MAPK4: variants seen among roughly 807,000 people sequenced by gnomAD.
MAPK4 encodes mitogen-activated protein kinase 4, also known as Erk3-related.
A neutral mutation model predicts 47.7 loss-of-function variants in MAPK4; 22 were observed. That is an observed-to-expected ratio of 0.46 (90% CI 0.33 to 0.66). The LOEUF (loss-of-function observed/expected upper bound fraction) is 0.66, where lower values mean the gene tolerates loss of function less well. Ranked by LOEUF, MAPK4 falls within the 30% of genes least tolerant of loss-of-function variation. The probability of loss-of-function intolerance (pLI) is 0.02; values close to 1 mark genes in which losing one functional copy is unlikely to be tolerated. For missense variants in MAPK4, 736 were observed against 831.7 expected (o/e 0.88, Z 1.42); for synonymous variants, 390 against 365.7 (o/e 1.07, Z -0.76).
In MAPK4 at chr18:50,664,555, A is replaced by G. The variant is rs780526359; in HGVS notation, c.546+51A>G. 11 of 1,527,486 alleles carry G rather than the reference A, an allele frequency of 7.2e-6. No homozygotes were observed. The highest frequency in any genetic ancestry group is 9.7e-6 in the Non-Finnish European group (11 of 1,130,290). The allele number at this position is 1,527,486 out of a possible 1,614,324, so 94.6% of individuals were successfully genotyped here. A position where few individuals can be genotyped will look rare whatever the true frequency, so the allele number is the denominator to read the frequency against. ...CTGGTGGTCCACAGAATCCCCAAGA[A>G]TACTTGCAGCATTCCCAAGCTATTC... is the stretch of plus-strand genomic sequence containing the variant. On this transcript the variant is annotated intron_variant, in intron 2 of 5. Transcript: ENST00000400384. This position sits in a 1 kb window ranked among gnomAD's most constrained non-coding sequence, Gnocchi z 6.0.
At chr18:50,690,495 C>A (rs1464179197) in intron 2 of MAPK4, among the ~76,000 whole-genome samples, 1 of 152,182 alleles carries the variant, frequency 6.6e-6, no homozygotes, top group African/African-American at 2.4e-5. Flanking sequence ...ACGTAAAGAG[C>A]TTTGAACAGA....
At chr18:50,606,835 G>C (rs2042586950) in intron 1 of MAPK4, among the ~76,000 whole-genome samples, 1 of 152,218 alleles carries the variant, frequency 6.6e-6, no homozygotes, top group South Asian at 2.1e-4. Context: ...GTGAGCAGAA[G>C]TGACACTTTT....
chr18:50,608,209 C>T (rs972162318), intron 1 of MAPK4, among the ~76,000 whole-genome samples: 9 of 152,180 alleles, frequency 5.9e-5, no homozygotes, highest in African/African-American at 1.7e-4. Context: ...CCCTGCTCCT[C>T]CTTCACCCCT....
chr18:50,674,401 T>G (rs1908143160), intron 2 of MAPK4, among the ~76,000 whole-genome samples: 1 of 152,190 alleles, frequency 6.6e-6, no homozygotes, highest in South Asian at 2.1e-4. Flanking sequence ...GGTGGGGGTG[T>G]GGGCATCGCA....
chr18:50,699,967 A>G (rs1395969404), intron 2 of MAPK4, among the ~76,000 whole-genome samples: 2 of 152,226 alleles, frequency 1.3e-5, no homozygotes, highest in African/African-American at 4.8e-5. Context: ...ATCATCAACC[A>G]GGGAAGCTCA....
At position 50,705,955 on chromosome 18, in the gene MAPK4, T is replaced by C. The variant is rs1269788783; in HGVS notation, c.547-9124T>C. On this transcript the variant is annotated intron_variant, in intron 2 of 5. Coordinates refer to ENST00000400384, the MANE Select transcript of MAPK4 (RefSeq NM_002747.4). ...CATGATTACAGGGACTTTGTTTTGC[T>C]CACTGCTGGGATCAGATCTCAGCTC... 3 of 152,238 alleles carry C rather than the reference T, an allele frequency of 2.0e-5. No individual in the cohort carries two copies. The East Asian group carries it at 5.8e-4, about 29-fold the overall frequency. 9.4% of individuals were successfully genotyped at this position (152,238 alleles called of 1,614,324 possible). A position where few individuals can be genotyped will look rare whatever the true frequency, so the allele number is the denominator to read the frequency against.
intron 4 of MAPK4, 89 bp from the exon 5 acceptor site, chr18:50,725,873 C>A: frequency 1.9e-6 from 2 of 1,066,876 alleles, no homozygotes; most frequent in Non-Finnish European, 1.5e-6. Flanking sequence ...GCACAGACAC[C>A]AGCACAGAAT....
At chr18:50,636,222 C>T (rs559497874) in intron 1 of MAPK4, among the ~76,000 whole-genome samples, 6 of 152,326 alleles carry the variant, frequency 3.9e-5, no homozygotes, top group Admixed American at 1.3e-4. Context: ...CCCTTCAATA[C>T]GTGCTCTCGC....
chr18:50,561,735 C>T (rs2042155233), intron 1 of MAPK4, among the ~76,000 whole-genome samples: 1 of 152,176 alleles, frequency 6.6e-6, no homozygotes, highest in Non-Finnish European at 1.5e-5. Context: ...GGCTAGTCTT[C>T]TACACTTGAG....
At chr18:50,616,318 C>G (rs1392816417) in intron 1 of MAPK4, among the ~76,000 whole-genome samples, 1 of 152,160 alleles carries the variant, frequency 6.6e-6, no homozygotes. Context: ...TCTGTGGCAC[C>G]TCAGGCTGAA....
chr18:50,700,118 C>A (rs983576573), intron 2 of MAPK4, among the ~76,000 whole-genome samples: 1 of 152,166 alleles, frequency 6.6e-6, no homozygotes, highest in East Asian at 1.9e-4. Context: ...GCTGATACCA[C>A]GTGGCTCAAA....
chr18:50,669,767 T>TA (rs1907817183), intron 2 of MAPK4: 1 of 152,256 alleles, frequency 6.6e-6, no homozygotes, highest in Non-Finnish European at 1.5e-5. Context: ...ACTTTAATTC[T>TA]AATCCCCTGG....
At chr18:50,584,942 A>G (rs1484555807) in intron 1 of MAPK4, among the ~76,000 whole-genome samples, 1 of 152,268 alleles carries the variant, frequency 6.6e-6, no homozygotes, top group Non-Finnish European at 1.5e-5. Context: ...TGATACCCAC[A>G]GCCTTGCATA....
chr18:50,669,895 C>T (rs950243454), intron 2 of MAPK4: 2 of 152,344 alleles, frequency 1.3e-5, no homozygotes, highest in African/African-American at 2.4e-5. Flanking sequence ...CACAGTGGCT[C>T]ACGCCTGTAA....
rs59699375 is a variant in MAPK4, at chr18:50,724,850, C to T, written c.854-1112C>T. Among the ~76,000 whole-genome samples the T allele has an allele frequency of 7.8e-3, 1,192 of 152,358 alleles. 17 individuals are homozygous for T. The highest frequency in any genetic ancestry group is 0.026 in the African/African-American group (1,090 of 41,578). Reference sequence around the variant, plus strand: ...CTGGGCCTTGAGCTCAGCTCCATTTCTCCCTCTCCATGTGGGCTGTAACAT... The same window carrying T: ...CTGGGCCTTGAGCTCAGCTCCATTTTTCCCTCTCCATGTGGGCTGTAACAT... On this transcript the variant is annotated intron_variant, in intron 4 of 5. Transcript: ENST00000400384.
rs769363524 is a variant in MAPK4 at position 50,661,968 on chromosome 18, AT to A, written c.-870-1119del. 1.6e-4 allele frequency among the ~76,000 whole-genome samples: 25 copies of A among 152,360 alleles called. 1 individual carries two copies. In the East Asian group the frequency reaches 4.4e-3, roughly 27 times the overall value. ...TCTAGACCCTTGGCAAATTTCCTTC[AT>A]TAGAAGTCTTTACAGGCGATCTGAT... On this transcript the variant is annotated intron_variant, in intron 1 of 5. Coordinates refer to ENST00000400384, the MANE Select transcript of MAPK4 (RefSeq NM_002747.4).
intron 3 of MAPK4, among the ~76,000 whole-genome samples, chr18:50,715,786 G>A (rs1212167420): frequency 6.6e-6 from 1 of 152,170 alleles, no homozygotes; most frequent in Non-Finnish European, 1.5e-5. Flanking sequence ...CTAGGCTATG[G>A]TACTTTGTTA....
intron 2 of MAPK4, among the ~76,000 whole-genome samples, chr18:50,697,536 A>T (rs1909579481): frequency 6.6e-6 from 1 of 152,234 alleles, no homozygotes; most frequent in South Asian, 2.1e-4. Context: ...GATGGTGATG[A>T]TTAGTTCCTG....
At chr18:50,615,861 G>A (rs372635099) in intron 1 of MAPK4, among the ~76,000 whole-genome samples, 246 of 152,322 alleles carry the variant, frequency 1.6e-3, no homozygotes, top group Non-Finnish European at 3.0e-3. Context: ...GAAAGGTGAA[G>A]CTGAGGTCCC....
Sources: gnomAD v4.1 joint callset for allele counts (sites outside exome capture counted in the v4.1 genomes callset) on GRCh38, gnomAD v4.1.1 for gene constraint, Gnocchi (gnomAD v3.1) non-coding constraint, MANE v1.5 for transcripts, NCBI Gene and HGNC (gene_info 2026-07-23, HGNC 2026-07-21) for gene names.